Variants in RADIL observed in about 807,000 individuals in gnomAD.
The protein encoded by RADIL is Rap associating with DIL domain.
In RADIL, 99 loss-of-function variants were observed where a neutral mutation model predicts 97.6. The ratio of observed to expected loss-of-function variants is 1.01; its 90% CI spans 0.86 to 1.20. RADIL has a LOEUF of 1.20. RADIL is among the 50% of genes most tolerant of loss of function. RADIL has a pLI of 0.00. For synonymous variants in RADIL, 803 were observed against 691.8 expected, an observed-to-expected ratio of 1.16 and a Z score of -2.52; for missense variants, 1,765 against 1,498.9, an observed-to-expected ratio of 1.18 and a Z score of -2.93.
At chr7:4,881,211 C>T (rs1784478085) in intron 1 of RADIL, among the ~76,000 whole-genome samples, 1 of 141,560 alleles carries the variant, frequency 7.1e-6, no homozygotes, top group African/African-American at 2.6e-5. Flanking sequence ...GTCAGCAGAT[C>T]GAGACCATCC....
In RADIL at chr7:4,815,461, A is replaced by G; in HGVS notation, c.1967-11T>C. 6.7e-7 allele frequency: 1 copy of G among 1,494,806 alleles called. No individual in the cohort carries two copies. Among genetic ancestry groups the G allele is most frequent in the Non-Finnish European group, 8.9e-7 (1 of 1,119,150 alleles). 92.6% of individuals were successfully genotyped at this position (1,494,806 alleles called of 1,614,324 possible). A position where few individuals can be genotyped will look rare whatever the true frequency, so the allele number is the denominator to read the frequency against. On this transcript the variant is annotated splice_polypyrimidine_tract_variant and intron_variant, in intron 8 of 14. Transcript: ENST00000399583. This position sits in a 1 kb window ranked among gnomAD's most constrained non-coding sequence, Gnocchi z 8.0. ...AGCTCAGGGAGGGGCCTGTGGAGGG[A>G]AGAAGGGAGGGTGATGCCTGGGCTG...
chr7:4,860,470 T>C (rs1371929258), intron 2 of RADIL: 2 of 1,614,186 alleles, frequency 1.2e-6, no homozygotes, highest in East Asian at 4.5e-5. Flanking sequence ...CAGAATTATC[T>C]GGCTTTTTTA....
chr7:4,816,068 C>T (rs889905598), intron 8 of RADIL, among the ~76,000 whole-genome samples, 160 bp downstream of exon 8: 4 of 152,176 alleles, frequency 2.6e-5, no homozygotes, highest in African/African-American at 9.7e-5. Flanking sequence ...ATCTGTCCCC[C>T]CTCACTCTGG....
chr7:4,883,085 T>TGG lies in RADIL; in HGVS notation c.-65+509_-65+510dup, dbSNP rs1784518444. ...ACAATGCTTTGAGCTGGCGCACGAG[T>TGG]GGGGATCGGGCTGCAACCGGGACGG... On this transcript the variant is annotated intron_variant, in intron 1 of 14. Transcript: ENST00000399583. The surrounding 1 kb of genome is among the most constrained non-coding windows in gnomAD (Gnocchi z 7.1). Among the ~76,000 whole-genome samples the TGG allele has an allele frequency of 6.6e-6, 1 of 151,504 alleles. No individual in the cohort carries two copies. Among genetic ancestry groups the TGG allele is most frequent in the African/African-American group, 2.4e-5 (1 of 40,872 alleles).
In RADIL at chr7:4,849,075, T is replaced by C. The variant is rs904345395; in HGVS notation, c.536-12470A>G. Reference sequence around the variant, plus strand: ...ATCGTTTGAACCTGGGAGGCAGAGGTTGTGGTGAGCCGAGATCGTGCCATT... The same window carrying C: ...ATCGTTTGAACCTGGGAGGCAGAGGCTGTGGTGAGCCGAGATCGTGCCATT... On this transcript the variant is annotated intron_variant, in intron 2 of 14. Transcript: ENST00000399583. The surrounding 1 kb of genome is among the most constrained non-coding windows in gnomAD (Gnocchi z 5.4). Among the ~76,000 whole-genome samples the C allele has an allele frequency of 6.0e-5, 9 of 150,040 alleles. No homozygotes were observed. Among genetic ancestry groups the C allele is most frequent in the African/African-American group, 2.2e-4 (9 of 40,622 alleles).
rs765468426 is a variant in RADIL, at chr7:4,842,758, G to A, written c.536-6153C>T. The stretch of plus-strand genomic sequence containing the variant: ...TTCTGTCACCCATCCCCACTCGCAG[G>A]CCTCAGAGATGAAGTGACTAGGAGT... On this transcript the variant is annotated intron_variant, in intron 2 of 14. Transcript: ENST00000399583. The surrounding 1 kb of genome is among the most constrained non-coding windows in gnomAD (Gnocchi z 4.5). Among the ~76,000 whole-genome samples, 1 of 152,120 alleles carries A rather than the reference G, an allele frequency of 6.6e-6. No homozygotes were observed. Among genetic ancestry groups the A allele is most frequent in the Non-Finnish European group, 1.5e-5 (1 of 68,020 alleles).
In RADIL at chr7:4,834,595, C is replaced by G; in HGVS notation, c.1416+12G>C. 1 of 1,324,660 alleles carries G rather than the reference C, an allele frequency of 7.5e-7. No homozygotes were observed. Among genetic ancestry groups the G allele is most frequent in the Non-Finnish European group, 9.7e-7 (1 of 1,030,732 alleles). 82.1% of individuals were successfully genotyped at this position (1,324,660 alleles called of 1,614,324 possible). ...GGCACAGGACCCAGACCGCCCACCC[C>G]AGCACACTGACCCAGACAGTCTCGC... is the stretch of plus-strand genomic sequence containing the variant. On this transcript the variant is annotated intron_variant, in intron 4 of 14. Transcript: ENST00000399583. The surrounding 1 kb of genome is among the most constrained non-coding windows in gnomAD (Gnocchi z 6.0).
At position 4,800,177 on chromosome 7, in the gene RADIL, G is replaced by T. The variant is rs115606188; in HGVS notation, c.2976C>A (p.Asp992Glu). 1.2e-6 allele frequency: 2 copies of T among 1,608,040 alleles called. No individual in the cohort carries two copies. The highest frequency in any genetic ancestry group is 1.7e-5 in the Admixed American group (1 of 59,618). Residue 992 changes from aspartate (D) to glutamate (E), a missense_variant, in exon 13 of 15, where the codon GAC becomes GAA. By Grantham distance (45) the Asp-to-Glu change is conservative. Coordinates refer to ENST00000399583, the MANE Select transcript of RADIL (RefSeq NM_018059.5). Reference sequence around the variant, plus strand: ...AGGGTCCTGGGCCACTCACCATCCCGTCGATCAGGCCCATCCCCAGCCCGG... The same window carrying T: ...AGGGTCCTGGGCCACTCACCATCCCTTCGATCAGGCCCATCCCCAGCCCGG... ...GPSGLGMGLI[D>E]GMHTHLGAPG...
intron 6 of RADIL, among the ~76,000 whole-genome samples, chr7:4,820,586 G>A (rs1405640978): frequency 6.6e-6 from 1 of 152,186 alleles, no homozygotes; most frequent in African/African-American, 2.4e-5. Flanking sequence ...GGGAGACCCT[G>A]GCAGATCCCC....
At chr7:4,838,878 G>T (rs552895743) in intron 2 of RADIL, among the ~76,000 whole-genome samples, 1 of 152,230 alleles carries the variant, frequency 6.6e-6, no homozygotes, top group African/African-American at 2.4e-5. Flanking sequence ...AACTGACCAC[G>T]CCACTCTGCT....
chr7:4,849,933 G>C lies in RADIL; in HGVS notation c.536-13328C>G, dbSNP rs1783667022. Among the ~76,000 whole-genome samples the C allele has an allele frequency of 6.9e-6, 1 of 143,932 alleles. No homozygotes were observed. Among genetic ancestry groups the C allele is most frequent in the Non-Finnish European group, 1.5e-5 (1 of 66,410 alleles). 94.4% of individuals were successfully genotyped at this position (143,932 alleles called of 152,430 possible). ...ATTTTTTATGGTGGTTAACACTGGT[G>C]ATCTTACTACTGATAACATCTTTTC... On this transcript the variant is annotated intron_variant, in intron 2 of 14. Coordinates refer to ENST00000399583, the MANE Select transcript of RADIL (RefSeq NM_018059.5). The surrounding 1 kb of genome is among the most constrained non-coding windows in gnomAD (Gnocchi z 5.4).
In RADIL at chr7:4,834,719, G is replaced by T; in HGVS notation, c.1304C>A (p.Thr435Asn). The change falls in exon 4 of 15, where the codon ACC becomes AAC. Residue 435 changes from threonine (T) to asparagine (N), a missense_variant. Physicochemically the swap from Thr to Asn is moderately conservative, Grantham distance 65. Coordinates refer to ENST00000399583, the MANE Select transcript of RADIL (RefSeq NM_018059.5). This position sits in a 1 kb window ranked among gnomAD's most constrained non-coding sequence, Gnocchi z 6.0. ...GCAGAGGCACAGGAGGAAGGCGGGG[G>T]TCAGCTTGTGGTCGTCGCCCCCCGG... ...IEPGGDDHKL[T>N]PAFLLCLCIQ... 7.1e-7 allele frequency: 1 copy of T among 1,411,800 alleles called. No individual in the cohort carries two copies. The highest frequency in any genetic ancestry group is 1.8e-5 in the South Asian group (1 of 55,424). 87.5% of individuals were successfully genotyped at this position (1,411,800 alleles called of 1,614,324 possible).
chr7:4,836,435 G>A lies in RADIL; in HGVS notation c.706C>T (p.Pro236Ser). 1 of 1,594,144 alleles carries A rather than the reference G, an allele frequency of 6.3e-7. No homozygotes were observed. The highest frequency in any genetic ancestry group is 8.5e-7 in the Non-Finnish European group (1 of 1,170,556). ...GAGTACCGCATGGCGTCGGGGCCGG[G>A]CTCCTCGGGGCCCTGGGCGGCAGCG... Reference protein sequence around the residue: ...LPAAAQGPEEPGPDAMRYSLY... With the variant: ...LPAAAQGPEESGPDAMRYSLY... The change falls in exon 3 of 15, where the codon CCC becomes TCC. Residue 236 changes from proline (P) to serine (S), a missense_variant. Physicochemically the swap from Pro to Ser is moderately conservative, Grantham distance 74. Transcript: ENST00000399583.
Position 4,878,105 on chromosome 7 carries a change from G to A in RADIL, c.35C>T (p.Pro12Leu). Reference sequence around the variant, plus strand: ...CTGCCGCTTCAGTTTGCTCTTGGTGGGCGGGGACATGATGAAGTGCGTCCC... The same window carrying A: ...CTGCCGCTTCAGTTTGCTCTTGGTGAGCGGGGACATGATGAAGTGCGTCCC... The part of the protein sequence containing the change: ...FYGTHFIMSP[P>L]TKSKLKRQSQ... Residue 12 changes from proline to leucine, a missense_variant, in exon 2 of 15, where the codon CCC (proline) becomes CTC (leucine). Pro to Leu is a moderately conservative substitution (Grantham distance 98). Transcript: ENST00000399583. This position sits in a 1 kb window ranked among gnomAD's most constrained non-coding sequence, Gnocchi z 4.1. 2 of 1,583,334 alleles carry A rather than the reference G, an allele frequency of 1.3e-6. No homozygotes were observed. The highest frequency in any genetic ancestry group is 1.7e-6 in the Non-Finnish European group (2 of 1,165,878).
chr7:4,845,462 C>T (rs1000906960), intron 2 of RADIL, among the ~76,000 whole-genome samples: 1 of 152,096 alleles, frequency 6.6e-6, no homozygotes, highest in African/African-American at 2.4e-5. Context: ...GAGAAAACAC[C>T]AGAATCCCAT....
At chr7:4,839,669 A>G (rs1049378559) in intron 2 of RADIL, among the ~76,000 whole-genome samples, 1 of 152,202 alleles carries the variant, frequency 6.6e-6, no homozygotes, top group African/African-American at 2.4e-5. Context: ...TATGATAAAA[A>G]TCTTTACCTG....
chr7:4,864,641 C>T (rs918676686), intron 2 of RADIL, among the ~76,000 whole-genome samples: 2 of 152,162 alleles, frequency 1.3e-5, no homozygotes, highest in Admixed American at 6.5e-5. Context: ...ACTCTTGATA[C>T]AAGAAACCTG....
At chr7:4,804,386 TCCAAG>T (rs1461877830) in intron 10 of RADIL, among the ~76,000 whole-genome samples, 3 of 152,216 alleles carry the variant, frequency 2.0e-5, no homozygotes, top group East Asian at 3.8e-4. Flanking sequence ...CGGGGGGGCA[TCCAAG>T]GCCCCATCGC....
At chr7:4,816,149 G>A in intron 8 of RADIL, 79 bp downstream of exon 8, 1 of 1,365,820 alleles carries the variant, frequency 7.3e-7, no homozygotes, top group East Asian at 2.3e-5. Flanking sequence ...GCCTCCAGGA[G>A]CTGGCGAGGG....
Sources: allele counts gnomAD v4.1 joint callset (sites outside exome capture counted in the v4.1 genomes callset), GRCh38; gene constraint gnomAD v4.1.1; non-coding constraint Gnocchi (gnomAD v3.1); transcripts MANE v1.5; gene names NCBI Gene and HGNC (gene_info 2026-07-23, HGNC 2026-07-21).